The following DHX33 variants were observed in gnomAD, a reference collection of about 807,000 sequenced individuals.
DHX33 encodes the protein ATP-dependent RNA helicase DHX33.
DHX33 carries 42 observed loss-of-function variants against 72.5 expected under a neutral mutation model. The ratio of observed to expected loss-of-function variants is 0.58; its 90% CI spans 0.45 to 0.75. The LOEUF (loss-of-function observed/expected upper bound fraction) is 0.75, where lower values mean the gene tolerates loss of function less well. Ranked by LOEUF, DHX33 falls within the 30% of genes least tolerant of loss-of-function variation. The probability of loss-of-function intolerance (pLI) is 0.00; values close to 1 mark genes in which losing one functional copy is unlikely to be tolerated. For missense variants in DHX33, 842 were observed against 917.5 expected (o/e 0.92, Z 1.06); for synonymous variants, 358 against 366.1 (o/e 0.98, Z 0.25).
At chr17:5,455,924 C>A in intron 5 of DHX33, 73 bp downstream of exon 5, 1 of 1,482,478 alleles carries the variant, frequency 6.7e-7, no homozygotes. Context: ...AGCCTGGTAA[C>A]AGGTACAGAC....
Position 5,453,686 on chromosome 17 carries a change from C to A in DHX33, c.1308-18G>T. 5.0e-6 allele frequency: 8 copies of A among 1,613,768 alleles called. No homozygotes were observed. Among genetic ancestry groups the A allele is most frequent in the Non-Finnish European group, 6.8e-6 (8 of 1,179,686 alleles). ...GGTTACACCTGTGAAGAGCATGAGA[C>A]CAGGGTCATGACCTGATCCCTCTGC... On this transcript the variant is annotated intron_variant, in intron 7 of 11. Transcript: ENST00000225296.
At chr17:5,453,507 T>A in intron 8 of DHX33, 73 bp downstream of exon 8, 1 of 1,222,644 alleles carries the variant, frequency 8.2e-7, no homozygotes, top group Non-Finnish European at 1.2e-6. Context: ...ATATACTTTA[T>A]TTTTTTGGAA....
At chr17:5,465,736 G>A (rs1904853099) in intron 1 of DHX33, among the ~76,000 whole-genome samples, 1 of 152,116 alleles carries the variant, frequency 6.6e-6, no homozygotes, top group Non-Finnish European at 1.5e-5. Flanking sequence ...CACCACTACT[G>A]CCATCGATCT....
In DHX33 at chr17:5,457,041, T is replaced by C. The variant is rs1904349319; in HGVS notation, c.850-859A>G. ...TTTCTGATCAGATACATTAATTTGT[T>C]TGATGTAAAGTGCTTAACACTTTGG... On this transcript the variant is annotated intron_variant, in intron 4 of 11. Transcript: ENST00000225296. 2.0e-5 allele frequency among the ~76,000 whole-genome samples: 3 copies of C among 152,240 alleles called. No homozygotes were observed. In the South Asian group the frequency reaches 6.2e-4, roughly 31 times the overall value.
rs764350200 is a variant in DHX33, at chr17:5,462,283, T to C, written c.678+36A>G. On this transcript the variant is annotated intron_variant, in intron 3 of 11. Coordinates refer to ENST00000225296, the MANE Select transcript of DHX33 (RefSeq NM_020162.4). ...GTGTTACGCATACTTTCAGGGGAAG[T>C]TTCCCTCATACTTTCAGGGGAAGTT... 8.8e-6 allele frequency: 14 copies of C among 1,590,750 alleles called. 1 individual carries two copies. In the South Asian group the frequency reaches 1.4e-4, roughly 16 times the overall value.
Position 5,456,134 on chromosome 17 carries a change from C to T in DHX33, c.898G>A (p.Glu300Lys), listed in dbSNP as rs1917182643. The T allele has an allele frequency of 1.2e-6, 2 of 1,614,040 alleles. No individual in the cohort carries two copies. Among genetic ancestry groups the T allele is most frequent in the South Asian group, 2.2e-5 (2 of 91,084 alleles). The change falls in exon 5 of 12, where the codon GAG becomes AAG. Residue 300 changes from glutamate to lysine, a missense_variant. Coordinates refer to ENST00000225296, the MANE Select transcript of DHX33 (RefSeq NM_020162.4). ...DILVFLTGQEEIEAMSKTCRD... is the reference protein window; with the variant it reads ...DILVFLTGQEKIEAMSKTCRD... ...CACGTCTTGCTCATGGCTTCGATCT[C>T]CTCCTGCCCAGTGAGGAACACCAGG...
intron 11 of DHX33, among the ~76,000 whole-genome samples, chr17:5,448,269 A>G (rs561804387): frequency 2.0e-5 from 3 of 152,336 alleles, no homozygotes; most frequent in African/African-American, 7.2e-5. Context: ...CATGTACCTC[A>G]TATGCACGTA....
Position 5,450,792 on chromosome 17 carries a change from G to A in DHX33, c.1524+15C>T. Reference sequence around the variant, plus strand: ...TAATGTACAGAAAGAGGACTGAGGAGAGGGTATCATTTACTTTGGCAAATT... The same window carrying A: ...TAATGTACAGAAAGAGGACTGAGGAAAGGGTATCATTTACTTTGGCAAATT... On this transcript the variant is annotated intron_variant, in intron 9 of 11. Coordinates refer to ENST00000225296, the MANE Select transcript of DHX33 (RefSeq NM_020162.4). 1.9e-6 allele frequency: 3 copies of A among 1,614,138 alleles called. No homozygotes were observed. The highest frequency in any genetic ancestry group is 2.5e-6 in the Non-Finnish European group (3 of 1,180,008).
rs750788328 is a variant in DHX33 at position 5,460,942 on chromosome 17, G to A, written c.846C>T (p.His282=). 2 of 1,611,980 alleles carry A rather than the reference G, an allele frequency of 1.2e-6. No individual in the cohort carries two copies. Among genetic ancestry groups the A allele is most frequent in the Admixed American group, 1.7e-5 (1 of 59,906 alleles). ...HAALVSVFQI[H]QEAPSSQDIL... ...GAATTTGCCCCCAGCACCATACCTG[G>A]TGGATCTGGAAGACGGAGACAAGCG... is the stretch of plus-strand genomic sequence containing the variant. Residue 282 remains histidine (H), a synonymous_variant, in exon 4 of 12, where the codon CAC becomes CAT. Coordinates refer to ENST00000225296, the MANE Select transcript of DHX33 (RefSeq NM_020162.4).
At chr17:5,449,488 G>A (rs1255822112) in intron 10 of DHX33, among the ~76,000 whole-genome samples, 1 of 152,222 alleles carries the variant, frequency 6.6e-6, no homozygotes, top group Non-Finnish European at 1.5e-5. Context: ...CTAGGCTGGA[G>A]TGCAGTGGCA....
Position 5,468,939 on chromosome 17 carries a change from G to T in DHX33, c.-80C>A. 3 of 1,430,044 alleles carry T rather than the reference G, an allele frequency of 2.1e-6. No individual in the cohort carries two copies. The highest frequency in any genetic ancestry group is 2.5e-5 in the South Asian group (2 of 80,438). The allele number at this position is 1,430,044 out of a possible 1,614,324, so 88.6% of individuals were successfully genotyped here. The stretch of plus-strand genomic sequence containing the variant: ...CAGGTGCAGACAACAGGAGCACACC[G>T]CCCCTTCCTCGCCGCCACGTGCTGG... On this transcript the variant is annotated 5_prime_UTR_variant, in exon 1 of 12. Coordinates refer to ENST00000225296, the MANE Select transcript of DHX33 (RefSeq NM_020162.4).
chr17:5,461,293 C>T, intron 3 of DHX33, 184 bp from the exon 4 acceptor site: 2 of 455,822 alleles, frequency 4.4e-6, no homozygotes, highest in Non-Finnish European at 7.4e-6. Context: ...GGTCTGTTTC[C>T]TTTCCTTTCC....
intron 8 of DHX33, among the ~76,000 whole-genome samples, chr17:5,452,643 G>A (rs1916992408): frequency 6.6e-6 from 1 of 152,164 alleles, no homozygotes; most frequent in Non-Finnish European, 1.5e-5. Flanking sequence ...ACCTGAGCCC[G>A]GGAGGTTGAG....
intron 3 of DHX33, among the ~76,000 whole-genome samples, chr17:5,461,936 C>CTTTTT (rs35332211): frequency 4.4e-5 from 5 of 113,678 alleles, no homozygotes; most frequent in African/African-American, 7.3e-5. Flanking sequence ...TGAACTTTCA[C>CTTTTT]TTTTTTTTTT....
chr17:5,464,877 G>A (rs1228470293), intron 1 of DHX33, among the ~76,000 whole-genome samples: 4 of 152,088 alleles, frequency 2.6e-5, no homozygotes, highest in East Asian at 1.9e-4. Context: ...TGCCTGCCTC[G>A]CAAACTCTAA....
rs754179033 is a variant in DHX33 at position 5,456,069 on chromosome 17, C to T, written c.963G>A (p.Ala321=). Residue 321 remains alanine, a synonymous_variant, in exon 5 of 12, where the codon GCG becomes GCA. Transcript: ENST00000225296. ...AGGCGTACAGAGGAAGGACCAGCAT[C>T]GCAGGGCAGCCGTCTGGGAGGTGCT... The part of the protein sequence containing the change: ...IAKHLPDGCP[A]MLVLPLYASL... 6.2e-6 allele frequency: 10 copies of T among 1,613,742 alleles called. No individual in the cohort carries two copies. The highest frequency in any genetic ancestry group is 4.5e-5 in the East Asian group (2 of 44,888).
In DHX33 at chr17:5,453,830, T is replaced by A. The variant is rs760681382; in HGVS notation, c.1298A>T (p.Glu433Val). ...AGCAACTGGTGCCTACCTCTGGATC[T>A]CTGGCACGGTCATCTTATCAAACTT... The part of the protein sequence containing the change: ...FEKFDKMTVP[E>V]IQRCNLASVM... Residue 433 changes from glutamate to valine, a missense_variant, in exon 7 of 12, where the codon GAG becomes GTG. Transcript: ENST00000225296. 5.6e-6 allele frequency: 9 copies of A among 1,614,016 alleles called. No homozygotes were observed. In the South Asian group the frequency reaches 9.9e-5, roughly 18 times the overall value.
chr17:5,450,742 G>C, intron 9 of DHX33, 65 bp downstream of exon 9: 1 of 1,601,890 alleles, frequency 6.2e-7, no homozygotes, highest in Non-Finnish European at 8.5e-7. Flanking sequence ...CTGGGTAGAT[G>C]GTACTACTTT....
At chr17:5,452,060 T>G (rs1322260357) in intron 8 of DHX33, among the ~76,000 whole-genome samples, 4 of 91,574 alleles carry the variant, frequency 4.4e-5, no homozygotes, top group Admixed American at 1.4e-4. Flanking sequence ...CCCAAAAGAG[T>G]GGAAGGAGGC....
Sources: allele counts gnomAD v4.1 joint callset (sites outside exome capture counted in the v4.1 genomes callset), GRCh38; gene constraint gnomAD v4.1.1; transcripts MANE v1.5; gene names NCBI Gene and HGNC (gene_info 2026-07-23, HGNC 2026-07-21).